PKHD1: variants seen among roughly 807,000 people sequenced by gnomAD.
PKHD1 encodes the protein PKHD1 ciliary IPT domain containing fibrocystin/polyductin.
PKHD1 carries 291 observed loss-of-function variants against 412.0 expected under a neutral mutation model. The ratio of observed to expected loss-of-function variants is 0.71; its 90% CI spans 0.64 to 0.78. PKHD1 has a LOEUF of 0.78. PKHD1 is among the 30% of genes least tolerant of loss of function. The pLI is 0.00. For missense variants in PKHD1, 4,825 were observed against 4,950.7 expected (o/e 0.97, Z 0.76); for synonymous variants, 1,777 against 1,821.5 (o/e 0.98, Z 0.62).
chr6:51,868,197 C>T, intron 47 of PKHD1, 88 bp from the exon 48 acceptor site: 1 of 1,173,308 alleles, frequency 8.5e-7, no homozygotes, highest in Non-Finnish European at 1.3e-6. Flanking sequence ...ATTTAAATTG[C>T]ATATTTATCT....
Position 52,054,133 on chromosome 6 carries a change from C to T in PKHD1, c.1869G>A (p.Lys623=). 6.2e-7 allele frequency: 1 copy of T among 1,613,864 alleles called. No homozygotes were observed. The highest frequency in any genetic ancestry group is 8.5e-7 in the Non-Finnish European group (1 of 1,179,736). ...TGAAGGACACAATCATCTTCAGGAT[C>T]TTGTTCATGTGGCCTTTGTATGCAA... is the stretch of plus-strand genomic sequence containing the variant. ...LCLAYKGHMN[K]ILKMIVSFTI... is the part of the protein sequence containing the mutation. Residue 623 remains lysine (K), a synonymous_variant, in exon 20 of 67, where the codon AAG becomes AAA. Transcript: ENST00000371117.
At chr6:51,747,537 T>A (rs764523353) in intron 58 of PKHD1, among the ~76,000 whole-genome samples, 1 of 152,152 alleles carries the variant, frequency 6.6e-6, no homozygotes, top group Non-Finnish European at 1.5e-5. Flanking sequence ...AGATCCCATC[T>A]CATTATATTC....
chr6:51,786,944 G>T (rs554112910), intron 53 of PKHD1, among the ~76,000 whole-genome samples: 2 of 152,346 alleles, frequency 1.3e-5, no homozygotes, highest in African/African-American at 4.8e-5. Context: ...TTTGGCATTT[G>T]TGATGCAGCT....
intron 43 of PKHD1, among the ~76,000 whole-genome samples, chr6:51,888,671 C>T (rs1210058570): frequency 6.6e-6 from 1 of 151,612 alleles, no homozygotes; most frequent in Non-Finnish European, 1.5e-5. Context: ...ATTTATGATC[C>T]CTGCCTAGTC....
Position 52,043,101 on chromosome 6 carries a change from C to T in PKHD1, c.2855G>A (p.Gly952Glu). 2.5e-6 allele frequency: 4 copies of T among 1,613,474 alleles called. No homozygotes were observed. Among genetic ancestry groups the T allele is most frequent in the Non-Finnish European group, 3.4e-6 (4 of 1,179,500 alleles). ...CTGGGAGTCACCAGAGAAACCAGTT[C>T]CGGTAATGTAAATCATTAGGTTGAT... Reference protein sequence around the residue: ...GDINLMIYITGTGFSGDSQFL... With the variant: ...GDINLMIYITETGFSGDSQFL... Residue 952 changes from glycine (G) to glutamate (E), a missense_variant, in exon 27 of 67, where the codon GGA (glycine) becomes GAA (glutamate). Physicochemically the swap from Gly to Glu is moderately conservative, Grantham distance 98 (BLOSUM62 -2). Transcript: ENST00000371117.
intron 55 of PKHD1, among the ~76,000 whole-genome samples, chr6:51,762,814 C>G (rs1788264237): frequency 6.6e-6 from 1 of 151,970 alleles, no homozygotes; most frequent in South Asian, 2.1e-4. Flanking sequence ...TAAATAAGGT[C>G]TGTAGCTCAG....
rs1808857744 is a variant in PKHD1, at chr6:52,062,624, A to G, written c.1013T>C (p.Val338Ala). 4 of 1,614,028 alleles carry G rather than the reference A, an allele frequency of 2.5e-6. No individual in the cohort carries two copies. In the African/African-American group the frequency reaches 4.0e-5, roughly 16 times the overall value. The change falls in exon 14 of 67, where the codon GTT becomes GCT. Residue 338 changes from valine (V) to alanine (A), a missense_variant. Coordinates refer to ENST00000371117, the MANE Select transcript of PKHD1 (RefSeq NM_138694.4). ...GGCTTCAGTCAGTTCCAGTCCCTCA[A>G]CAGCATCTCCAACTTCAAAAAGAAG... ...RGLLFEVGDA[V>A]EGLELTEATP...
intron 60 of PKHD1, among the ~76,000 whole-genome samples, chr6:51,681,267 C>T (rs985060393): frequency 2.6e-5 from 4 of 152,160 alleles, no homozygotes; most frequent in African/African-American, 7.2e-5. Context: ...TATTTCCTAA[C>T]TCACCTTAGG....
intron 60 of PKHD1, among the ~76,000 whole-genome samples, chr6:51,715,086 A>G (rs1413187455): frequency 2.0e-5 from 3 of 151,914 alleles, no homozygotes; most frequent in Non-Finnish European, 2.9e-5. Context: ...ATCCTTCCTA[A>G]CCCCATGACG....
intron 27 of PKHD1, among the ~76,000 whole-genome samples, chr6:52,038,878 T>A (rs902949117): frequency 6.6e-6 from 1 of 152,156 alleles, no homozygotes; most frequent in Non-Finnish European, 1.5e-5. Flanking sequence ...ACAATAAATA[T>A]AAACTGGACT....
intron 55 of PKHD1, among the ~76,000 whole-genome samples, chr6:51,770,822 T>C (rs543352283): frequency 6.6e-6 from 1 of 152,216 alleles, no homozygotes; most frequent in East Asian, 1.9e-4. Flanking sequence ...TGTGTCATAT[T>C]TGCTAAGCTA....
rs139892130 is a variant in PKHD1 at position 51,950,992 on chromosome 6, T to C, written c.5908+8878A>G. Among the ~76,000 whole-genome samples, 3 of 152,306 alleles carry C rather than the reference T, an allele frequency of 2.0e-5. No individual in the cohort carries two copies. In the East Asian group the frequency reaches 5.8e-4, roughly 29 times the overall value. On this transcript the variant is annotated intron_variant, in intron 36 of 66. Coordinates refer to ENST00000371117, the MANE Select transcript of PKHD1 (RefSeq NM_138694.4). ...AAGACTGTGACTCAGCTCTTTACTT[T>C]TTCTACAAAATATGAAACTCATTAA...
At chr6:51,892,685 T>A (rs1779294977) in intron 43 of PKHD1, among the ~76,000 whole-genome samples, 1 of 152,212 alleles carries the variant, frequency 6.6e-6, no homozygotes, top group Non-Finnish European at 1.5e-5. Context: ...ACATGGTTAA[T>A]TACAATAAGA....
chr6:51,970,782 G>T (rs976221553), intron 35 of PKHD1, among the ~76,000 whole-genome samples: 1 of 152,106 alleles, frequency 6.6e-6, no homozygotes, highest in Non-Finnish European at 1.5e-5. Context: ...TTATTTCTGG[G>T]TTGTCCATTA....
In PKHD1 at chr6:51,959,911, A is replaced by C. The variant is rs754205008; in HGVS notation, c.5867T>G (p.Leu1956Arg). Residue 1956 changes from leucine to arginine, a missense_variant, in exon 36 of 67, where the codon CTG (leucine) becomes CGG (arginine). Physicochemically the swap from Leu to Arg is moderately radical, Grantham distance 102. Coordinates refer to ENST00000371117, the MANE Select transcript of PKHD1 (RefSeq NM_138694.4). ...GTTGAGGATGCTTGTGTTAGTGTCC[A>C]GCAGAAGCAATTGGCCATTCTCCAC... The part of the protein sequence containing the change: ...VTVENGQLLL[L>R]DTNTSILNLL... 5 of 1,613,584 alleles carry C rather than the reference A, an allele frequency of 3.1e-6. No individual in the cohort carries two copies. Among genetic ancestry groups the C allele is most frequent in the South Asian group, 2.2e-5 (2 of 91,076 alleles).
At chr6:52,017,817 T>C (rs1481329941) in intron 33 of PKHD1, among the ~76,000 whole-genome samples, 188 bp from the exon 34 acceptor site, 1 of 152,202 alleles carries the variant, frequency 6.6e-6, no homozygotes, top group Non-Finnish European at 1.5e-5. Context: ...TTTTGTAAAA[T>C]ATGAATAATC....
intron 61 of PKHD1, among the ~76,000 whole-genome samples, chr6:51,652,944 A>G (rs1002211760): frequency 1.3e-5 from 2 of 152,152 alleles, no homozygotes. Context: ...GGGGACTTGA[A>G]ATATAAAATG....
intron 52 of PKHD1, among the ~76,000 whole-genome samples, chr6:51,802,496 G>A (rs1312230639): frequency 1.3e-5 from 2 of 151,502 alleles, no homozygotes; most frequent in Non-Finnish European, 2.9e-5. Context: ...ACTCTCAGGT[G>A]ATCCAATTAT....
At chr6:51,981,963 C>A in intron 35 of PKHD1, among the ~76,000 whole-genome samples, 1 of 80,050 alleles carries the variant, frequency 1.2e-5, no homozygotes, top group South Asian at 4.6e-4. Flanking sequence ...AGCACCTCTG[C>A]CCCGCCGCCC....
Sources: allele counts gnomAD v4.1 joint callset (sites outside exome capture counted in the v4.1 genomes callset), GRCh38; gene constraint gnomAD v4.1.1; transcripts MANE v1.5; gene names NCBI Gene and HGNC (gene_info 2026-07-23, HGNC 2026-07-21).